The following PELI2 variants were observed in gnomAD, a reference collection of about 807,000 sequenced individuals.
The protein encoded by PELI2 is pellino E3 ubiquitin protein ligase family member 2.
A neutral mutation model predicts 42.3 loss-of-function variants in PELI2; 23 were observed. The observed-to-expected ratio is 0.54, with a 90% CI of 0.39 to 0.77. The LOEUF is 0.77. Ranked by LOEUF, PELI2 falls within the 30% of genes least tolerant of loss-of-function variation. The pLI, the probability that PELI2 is intolerant of heterozygous loss-of-function variation, is 0.00. For missense variants in PELI2, 463 were observed against 553.2 expected (o/e 0.84, Z 1.64); for synonymous variants, 245 against 212.2 (o/e 1.15, Z -1.34).
At chr14:56,205,014 A>G (rs1390060293) in intron 2 of PELI2, among the ~76,000 whole-genome samples, 1 of 143,002 alleles carries the variant, frequency 7.0e-6, no homozygotes, top group Non-Finnish European at 1.5e-5. Context: ...TGGGCGACAG[A>G]GCGAGACTCC....
intron 1 of PELI2, among the ~76,000 whole-genome samples, chr14:56,127,437 A>G (rs1166134856): frequency 6.6e-6 from 1 of 152,228 alleles, no homozygotes; most frequent in Non-Finnish European, 1.5e-5. Context: ...GAGCTCATTT[A>G]TATTGGTTGT....
chr14:56,217,368 A>G (rs544816482), intron 2 of PELI2, among the ~76,000 whole-genome samples: 19 of 152,372 alleles, frequency 1.2e-4, no homozygotes, highest in Admixed American at 1.2e-3. Context: ...GAAGAGGATT[A>G]TAGTGTCTAA....
intron 1 of PELI2, among the ~76,000 whole-genome samples, chr14:56,127,191 T>C (rs1224970753): frequency 2.0e-5 from 3 of 152,220 alleles, no homozygotes; most frequent in Non-Finnish European, 4.4e-5. Flanking sequence ...AAGAATAGCC[T>C]AGCTTACTGA....
At chr14:56,170,259 G>A (rs1156326615) in intron 1 of PELI2, among the ~76,000 whole-genome samples, 1 of 152,222 alleles carries the variant, frequency 6.6e-6, no homozygotes, top group East Asian at 1.9e-4. Flanking sequence ...CACTTCTGGA[G>A]CCCACATCGC....
chr14:56,148,677 C>T (rs920524716), intron 1 of PELI2, among the ~76,000 whole-genome samples: 2 of 152,222 alleles, frequency 1.3e-5, no homozygotes, highest in African/African-American at 4.8e-5. Flanking sequence ...CTCCTTTCTT[C>T]TGTGTTCTCT....
chr14:56,239,527 A>G (rs1029157869), intron 2 of PELI2, among the ~76,000 whole-genome samples: 7 of 152,306 alleles, frequency 4.6e-5, no homozygotes, highest in African/African-American at 1.7e-4. Context: ...ACCTGCCCTT[A>G]TTAATACTAA....
In PELI2 at chr14:56,218,501, C is replaced by T. The variant is rs569151489; in HGVS notation, c.207+40037C>T. ...ACACATTTGAGAACTCTGTAGTTGA[C>T]TGTGTAGTCAGTTGCATACAAGTTA... On this transcript the variant is annotated intron_variant, in intron 2 of 5. Coordinates refer to ENST00000267460, the MANE Select transcript of PELI2 (RefSeq NM_021255.3). Among the ~76,000 whole-genome samples, 13 of 152,336 alleles carry T rather than the reference C, an allele frequency of 8.5e-5. No homozygotes were observed. The South Asian group carries it at 2.1e-3, about 24-fold the overall frequency.
At chr14:56,249,066 G>T (rs1403500078) in intron 2 of PELI2, among the ~76,000 whole-genome samples, 1 of 152,178 alleles carries the variant, frequency 6.6e-6, no homozygotes, top group Non-Finnish European at 1.5e-5. Flanking sequence ...TCATAGTGGT[G>T]CCGTGAATTG....
At chr14:56,147,812 T>C (rs556109769) in intron 1 of PELI2, among the ~76,000 whole-genome samples, 12 of 152,162 alleles carry the variant, frequency 7.9e-5, no homozygotes, top group Non-Finnish European at 1.8e-4. Context: ...TTTGGGTGTG[T>C]GTTAAAAAGG....
chr14:56,162,114 C>G (rs1328162940), intron 1 of PELI2, among the ~76,000 whole-genome samples: 1 of 152,208 alleles, frequency 6.6e-6, no homozygotes, highest in Non-Finnish European at 1.5e-5. Context: ...ATGTGAGTTA[C>G]ACACAATCCG....
At chr14:56,185,728 CT>C (rs1198429394) in intron 2 of PELI2, among the ~76,000 whole-genome samples, 1 of 151,304 alleles carries the variant, frequency 6.6e-6, no homozygotes. Context: ...TTTCTGTAAT[CT>C]TTTTTTTTCT....
chr14:56,158,863 G>T (rs1267502023), intron 1 of PELI2, among the ~76,000 whole-genome samples: 1 of 152,108 alleles, frequency 6.6e-6, no homozygotes, highest in Non-Finnish European at 1.5e-5. Context: ...TTATTGGAAA[G>T]AAAAATAAAA....
intron 2 of PELI2, among the ~76,000 whole-genome samples, chr14:56,245,941 A>T (rs1469181090): frequency 6.6e-6 from 1 of 152,216 alleles, no homozygotes; most frequent in Admixed American, 6.5e-5. Context: ...AGACTTGAGC[A>T]TCCTCAGATT....
rs149697796 is a variant in PELI2 at position 56,203,326 on chromosome 14, C to T, written c.207+24862C>T. On this transcript the variant is annotated intron_variant, in intron 2 of 5. Coordinates refer to ENST00000267460, the MANE Select transcript of PELI2 (RefSeq NM_021255.3). ...CCTCACTCCAGCCTGGGTGACAAAG[C>T]GAGACTCTGTCAAAAATCTAGGGGT... 1.5e-4 allele frequency among the ~76,000 whole-genome samples: 23 copies of T among 152,032 alleles called. No homozygotes were observed. In the East Asian group the frequency reaches 3.7e-3, roughly 24 times the overall value.
Position 56,180,980 on chromosome 14 carries a change from T to C in PELI2, c.207+2516T>C, listed in dbSNP as rs1357267445. On this transcript the variant is annotated intron_variant, in intron 2 of 5. Transcript: ENST00000267460. This position sits in a 1 kb window ranked among gnomAD's most constrained non-coding sequence, Gnocchi z 4.4. ...TTTTCCATCTTATGTTTGTGGAACA[T>C]ATTTCAGTGACTCGGTACCTACCCC... Among the ~76,000 whole-genome samples the C allele has an allele frequency of 2.0e-5, 3 of 152,220 alleles. No homozygotes were observed. In the East Asian group the frequency reaches 5.8e-4, roughly 29 times the overall value.
At chr14:56,249,658 G>A (rs548026109) in intron 2 of PELI2, among the ~76,000 whole-genome samples, 1 of 152,306 alleles carries the variant, frequency 6.6e-6, no homozygotes, top group East Asian at 1.9e-4. Flanking sequence ...CCCCTGAGGA[G>A]GCAATATGGG....
intron 1 of PELI2, among the ~76,000 whole-genome samples, chr14:56,155,240 GTT>G (rs35149171): frequency 8.1e-4 from 119 of 146,928 alleles, no homozygotes; most frequent in South Asian, 6.8e-3. Context: ...AATCTGTTGG[GTT>G]TTTTTTTTTG....
intron 2 of PELI2, among the ~76,000 whole-genome samples, chr14:56,266,790 A>G (rs941057852): frequency 6.6e-6 from 1 of 152,098 alleles, no homozygotes; most frequent in African/African-American, 2.4e-5. Context: ...GAATATCTGC[A>G]TATTTGTTGC....
intron 1 of PELI2, among the ~76,000 whole-genome samples, chr14:56,160,360 A>G (rs1329285470): frequency 6.6e-6 from 1 of 152,168 alleles, no homozygotes; most frequent in African/African-American, 2.4e-5. Context: ...TTGGCATTGG[A>G]GGCAGAGCCA....
Sources: gnomAD v4.1 joint callset for allele counts (sites outside exome capture counted in the v4.1 genomes callset) on GRCh38, gnomAD v4.1.1 for gene constraint, Gnocchi (gnomAD v3.1) non-coding constraint, MANE v1.5 for transcripts, NCBI Gene and HGNC (gene_info 2026-07-23, HGNC 2026-07-21) for gene names.